The following VIPR2 variants were observed in gnomAD, a reference collection of about 807,000 sequenced individuals.
The protein encoded by VIPR2 is vasoactive intestinal peptide receptor 2, also known as vasoactive intestinal polypeptide receptor 2.
In VIPR2, 48 loss-of-function variants were observed where a neutral mutation model predicts 58.0. The observed-to-expected ratio is 0.83, with a 90% CI of 0.66 to 1.05. VIPR2 has a LOEUF of 1.05. Among genes scored for constraint, VIPR2 ranks in the 50% least tolerant of loss-of-function variants. The pLI is 0.00. For synonymous variants in VIPR2, 243 were observed against 235.2 expected (o/e 1.03, Z -0.30); for missense variants, 534 against 558.0 (o/e 0.96, Z 0.43).
intron 2 of VIPR2, among the ~76,000 whole-genome samples, chr7:159,118,955 G>A (rs1290827376): frequency 6.6e-6 from 1 of 152,210 alleles, no homozygotes; most frequent in Non-Finnish European, 1.5e-5. Flanking sequence ...AGGAAAATTC[G>A]CTATAATTTC....
At chr7:159,131,304 GAA>G (rs138803612) in intron 2 of VIPR2, among the ~76,000 whole-genome samples, 6,467 of 152,204 alleles carry the variant, frequency 0.042, 468 homozygotes, top group African/African-American at 0.15. Context: ...TATGCCAAAG[GAA>G]AAGTTAAGGA....
At chr7:159,061,156 G>C (rs955864453) in intron 4 of VIPR2, among the ~76,000 whole-genome samples, 3 of 152,052 alleles carry the variant, frequency 2.0e-5, no homozygotes, top group Non-Finnish European at 2.9e-5. Flanking sequence ...ACGTGTTCTC[G>C]TAAGTGGGAG....
At chr7:159,034,092 G>T in intron 10 of VIPR2, 121 bp downstream of exon 10, 1 of 902,228 alleles carries the variant, frequency 1.1e-6, no homozygotes, top group South Asian at 1.6e-5. Context: ...GCCCAGCCTC[G>T]AGGTGTGACA....
At chr7:159,050,608 A>G (rs1854943297) in intron 5 of VIPR2, among the ~76,000 whole-genome samples, 1 of 152,076 alleles carries the variant, frequency 6.6e-6, no homozygotes, top group Admixed American at 6.5e-5. Context: ...GATCAGTAGT[A>G]TGTCTAGATT....
At chr7:159,063,758 TGGCGGGGTCTGGGAGTCCA>T (rs1289300470) in intron 4 of VIPR2, among the ~76,000 whole-genome samples, 19 of 68,434 alleles carry the variant, frequency 2.8e-4, no homozygotes, top group African/African-American at 1.0e-3. Context: ...CTGGGGGACC[TGGCGGGGTCTGGGAGTCCA>T]GGTGGGGTCT....
chr7:159,030,939 G>C, intron 12 of VIPR2, 150 bp from the exon 13 acceptor site: 1 of 1,111,936 alleles, frequency 9.0e-7, no homozygotes, highest in Non-Finnish European at 1.2e-6. Flanking sequence ...AAACGGCCTT[G>C]GGGGCAGAGG....
intron 2 of VIPR2, among the ~76,000 whole-genome samples, chr7:159,137,148 C>T (rs1162676893): frequency 1.3e-5 from 2 of 152,108 alleles, no homozygotes; most frequent in Non-Finnish European, 2.9e-5. Context: ...GGGCCGGCCG[C>T]CCACCCTGAA....
At chr7:159,111,126 T>C (rs1019788703) in intron 2 of VIPR2, among the ~76,000 whole-genome samples, 1 of 152,222 alleles carries the variant, frequency 6.6e-6, no homozygotes, top group Non-Finnish European at 1.5e-5. Flanking sequence ...AGTAGAGTTA[T>C]TTAAATGCTA....
chr7:159,036,606 C>T, intron 7 of VIPR2, 146 bp downstream of exon 7: 1 of 1,061,776 alleles, frequency 9.4e-7, no homozygotes, highest in Non-Finnish European at 1.3e-6. Context: ...TAGGAGCCTC[C>T]AGTCATCCTG....
rs1003427014 is a variant in VIPR2 at position 159,093,452 on chromosome 7, C to T, written c.357+10305G>A. The stretch of plus-strand genomic sequence containing the variant: ...GGCGGGTGTGGCTGGAGCTCACTCT[C>T]ACTGCCGGAAGTGAGGAGCCTCTCC... On this transcript the variant is annotated intron_variant, in intron 4 of 12. Transcript: ENST00000262178. This position sits in a 1 kb window ranked among gnomAD's most constrained non-coding sequence, Gnocchi z 6.7. 1.3e-5 allele frequency among the ~76,000 whole-genome samples: 2 copies of T among 152,190 alleles called. No individual in the cohort carries two copies. Among genetic ancestry groups the T allele is most frequent in the Admixed American group, 1.3e-4 (2 of 15,280 alleles).
At chr7:159,074,077 A>G (rs1450251107) in intron 4 of VIPR2, among the ~76,000 whole-genome samples, 1 of 152,226 alleles carries the variant, frequency 6.6e-6, no homozygotes, top group Non-Finnish European at 1.5e-5. Flanking sequence ...TTTTTTACAC[A>G]TTAGAAAAGA....
At chr7:159,107,681 G>A (rs1320666802) in intron 3 of VIPR2, among the ~76,000 whole-genome samples, 3 of 151,276 alleles carry the variant, frequency 2.0e-5, no homozygotes, top group Admixed American at 6.6e-5. Flanking sequence ...GGAGCTGCCC[G>A]CTGCTTCTGG....
In VIPR2 at chr7:159,097,309, G is replaced by T; in HGVS notation, c.357+6448C>A. On this transcript the variant is annotated intron_variant, in intron 4 of 12. Transcript: ENST00000262178. This position sits in a 1 kb window ranked among gnomAD's most constrained non-coding sequence, Gnocchi z 5.3. The stretch of plus-strand genomic sequence containing the variant: ...CACGGAAGAAATGTGTGCACTTGAA[G>T]CATGGGGAGGCCGAAATGCCAAACA... 1 of 1,296,038 alleles carries T rather than the reference G, an allele frequency of 7.7e-7. No homozygotes were observed. The highest frequency in any genetic ancestry group is 9.9e-7 in the Non-Finnish European group (1 of 1,011,436). 80.3% of individuals were successfully genotyped at this position (1,296,038 alleles called of 1,614,324 possible).
chr7:159,075,763 G>C (rs1647894483), intron 4 of VIPR2, among the ~76,000 whole-genome samples: 1 of 147,490 alleles, frequency 6.8e-6, no homozygotes, highest in Non-Finnish European at 1.5e-5. Flanking sequence ...GAGTAGCCCA[G>C]GGCCGGCACC....
At position 159,089,401 on chromosome 7, in the gene VIPR2, T is replaced by G. The variant is rs1374385148; in HGVS notation, c.357+14356A>C. Among the ~76,000 whole-genome samples, 87 of 90,888 alleles carry G rather than the reference T, an allele frequency of 9.6e-4. 1 individual carries two copies. The highest frequency in any genetic ancestry group is 3.6e-3 in the African/African-American group (79 of 21,980). 59.6% of individuals were successfully genotyped at this position (90,888 alleles called of 152,430 possible). A position where few individuals can be genotyped will look rare whatever the true frequency, so the allele number is the denominator to read the frequency against. ...GCCTCAGGCCTCGGCTCCTCATCTG[T>G]GGAATGGGAATAGCCTCAGGCCTCG... On this transcript the variant is annotated intron_variant, in intron 4 of 12. Coordinates refer to ENST00000262178, the MANE Select transcript of VIPR2 (RefSeq NM_003382.5).
chr7:159,030,939 G>T, intron 12 of VIPR2, 150 bp from the exon 13 acceptor site: 1 of 1,111,934 alleles, frequency 9.0e-7, no homozygotes, highest in African/African-American at 1.6e-5. Flanking sequence ...AAACGGCCTT[G>T]GGGGCAGAGG....
In VIPR2 at chr7:159,030,144, G is replaced by A. The variant is rs1853447542; in HGVS notation, c.*472C>T. The A allele has an allele frequency of 6.5e-6, 1 of 154,388 alleles. No individual in the cohort carries two copies. Among genetic ancestry groups the A allele is most frequent in the South Asian group, 2.1e-4 (1 of 4,836 alleles). 9.6% of individuals were successfully genotyped at this position (154,388 alleles called of 1,614,324 possible). On this transcript the variant is annotated 3_prime_UTR_variant, in exon 13 of 13. Transcript: ENST00000262178. Reference sequence around the variant, plus strand: ...GCCCATCACGAGGTCAGGAGATCGAGACCATCCTGGCTAACATGGTGAAAC... The same window carrying A: ...GCCCATCACGAGGTCAGGAGATCGAAACCATCCTGGCTAACATGGTGAAAC...
chr7:159,124,850 C>T (rs1020709401), intron 2 of VIPR2, among the ~76,000 whole-genome samples: 1 of 152,138 alleles, frequency 6.6e-6, no homozygotes, highest in African/African-American at 2.4e-5. Flanking sequence ...AGATCTTTCA[C>T]CTCCCTGGTT....
At chr7:159,047,851 C>T (rs1854749027) in intron 5 of VIPR2, among the ~76,000 whole-genome samples, 1 of 152,104 alleles carries the variant, frequency 6.6e-6, no homozygotes, top group Non-Finnish European at 1.5e-5. Context: ...ATTGGTAACT[C>T]CAAGTCAAGA....
Sources: gnomAD v4.1 joint callset for allele counts (sites outside exome capture counted in the v4.1 genomes callset) on GRCh38, gnomAD v4.1.1 for gene constraint, Gnocchi (gnomAD v3.1) non-coding constraint, MANE v1.5 for transcripts, NCBI Gene and HGNC (gene_info 2026-07-23, HGNC 2026-07-21) for gene names.